The following PTPRR variants were observed in gnomAD, a reference collection of about 807,000 sequenced individuals.
PTPRR encodes the protein protein tyrosine phosphatase receptor type R, also known as receptor-type tyrosine-protein phosphatase R.
A neutral mutation model predicts 77.2 loss-of-function variants in PTPRR; 38 were observed. The ratio of observed to expected loss-of-function variants is 0.49; its 90% CI spans 0.38 to 0.65. The LOEUF (loss-of-function observed/expected upper bound fraction) is 0.65, where lower values mean the gene tolerates loss of function less well. Ranked by LOEUF, PTPRR falls within the 30% of genes least tolerant of loss-of-function variation. PTPRR has a pLI of 0.00. For missense variants in PTPRR, 744 were observed against 799.2 expected (o/e 0.93, Z 0.83); for synonymous variants, 299 against 283.1 (o/e 1.06, Z -0.57).
At chr12:70,764,044 T>C (rs1890755673) in intron 3 of PTPRR, among the ~76,000 whole-genome samples, 2 of 150,086 alleles carry the variant, frequency 1.3e-5, no homozygotes, top group Admixed American at 6.7e-5. Flanking sequence ...CCCACTCAGA[T>C]GCCCATTCAA....
chr12:70,708,813 CAA>C (rs879632787), intron 6 of PTPRR, among the ~76,000 whole-genome samples: 2,633 of 78,958 alleles, frequency 0.033, 49 homozygotes, highest in African/African-American at 0.087. Context: ...AATACAAATA[CAA>C]ACACACACAC....
chr12:70,718,360 G>A (rs1486064272), intron 6 of PTPRR, among the ~76,000 whole-genome samples: 1 of 152,076 alleles, frequency 6.6e-6, no homozygotes, highest in South Asian at 2.1e-4. Flanking sequence ...CTGCCTCCTG[G>A]GTTCAAGCGA....
chr12:70,748,299 T>A (rs1310150831), intron 5 of PTPRR, among the ~76,000 whole-genome samples: 1 of 152,318 alleles, frequency 6.6e-6, no homozygotes, highest in East Asian at 1.9e-4. Context: ...TATTGTTTCC[T>A]CCAAAGTCTC....
chr12:70,818,580 T>C (rs1891948481), intron 2 of PTPRR, among the ~76,000 whole-genome samples: 2 of 152,176 alleles, frequency 1.3e-5, no homozygotes, highest in Admixed American at 1.3e-4. Flanking sequence ...GAGGCTAATA[T>C]GATTGAAAAT....
chr12:70,754,609 G>C, intron 4 of PTPRR: 1 of 1,597,936 alleles, frequency 6.3e-7, no homozygotes. Context: ...AGAGAGTTCT[G>C]TTCTTTTCTG....
intron 2 of PTPRR, among the ~76,000 whole-genome samples, chr12:70,796,670 A>C (rs954279583): frequency 9.9e-5 from 15 of 152,012 alleles, no homozygotes; most frequent in Non-Finnish European, 2.1e-4. Flanking sequence ...ATGAAAAGGA[A>C]ATTAATGAAA....
In PTPRR at chr12:70,681,189, T is replaced by C. The variant is rs184621317; in HGVS notation, c.1497+2938A>G. Among the ~76,000 whole-genome samples, 603 of 152,244 alleles carry C rather than the reference T, an allele frequency of 4.0e-3. 3 individuals are homozygous for C. The highest frequency in any genetic ancestry group is 6.0e-3 in the Non-Finnish European group (409 of 67,998). On this transcript the variant is annotated intron_variant, in intron 10 of 13. Transcript: ENST00000283228. ...GGTGTACTACTGTGTGTGAAGGTAG[T>C]GTAATGGCAGTGTAGCCTTAGGAAT...
intron 2 of PTPRR, among the ~76,000 whole-genome samples, chr12:70,767,758 C>G (rs1481814478): frequency 6.6e-6 from 1 of 152,098 alleles, no homozygotes; most frequent in Non-Finnish European, 1.5e-5. Flanking sequence ...TGACCACATA[C>G]TTGGAAGTAA....
chr12:70,661,327 C>A, intron 11 of PTPRR: 1 of 569,708 alleles, frequency 1.8e-6, no homozygotes, highest in South Asian at 1.8e-5. Context: ...ATTTACATCT[C>A]TACCTATAGT....
At chr12:70,848,983 A>AT (rs932486870) in intron 2 of PTPRR, among the ~76,000 whole-genome samples, 30 of 152,114 alleles carry the variant, frequency 2.0e-4, no homozygotes, top group African/African-American at 6.3e-4. Context: ...AAGTTAAATA[A>AT]TTTTTTTATC....
rs761634431 is a variant in PTPRR at position 70,698,318 on chromosome 12, T to C, written c.1226A>G (p.Glu409Gly). The change falls in exon 8 of 14, where the codon GAA becomes GGA. Residue 409 changes from glutamate to glycine, a missense_variant. Coordinates refer to ENST00000283228, the MANE Select transcript of PTPRR (RefSeq NM_002849.4). ...AGTTCCATGACGCGGAATATCAATT[T>C]CTTTGGGATCCACAAAGTTCATTGG... ...EIPMNFVDPK[E>G]IDIPRHGTKN... is the part of the protein sequence containing the mutation. 6.8e-6 allele frequency: 11 copies of C among 1,613,100 alleles called. No individual in the cohort carries two copies. Among genetic ancestry groups the C allele is most frequent in the Non-Finnish European group, 9.3e-6 (11 of 1,179,396 alleles).
intron 2 of PTPRR, among the ~76,000 whole-genome samples, chr12:70,777,530 AATTAT>A (rs1243798812): frequency 9.2e-5 from 14 of 152,276 alleles, no homozygotes; most frequent in African/African-American, 2.6e-4. Flanking sequence ...CAGTTTTTGT[AATTAT>A]ATTATTATTT....
chr12:70,892,927 T>A lies in PTPRR; in HGVS notation c.109A>T (p.Ser37Cys). The change falls in exon 2 of 14, where the codon AGT becomes TGT. Residue 37 changes from serine (S) to cysteine (C), a missense_variant. Ser to Cys is a moderately radical substitution (Grantham distance 112, BLOSUM62 -1). This residue lies in a region of PTPRR where 570 missense variants were observed against 573.2 expected (regional missense o/e 0.99). Coordinates refer to ENST00000283228, the MANE Select transcript of PTPRR (RefSeq NM_002849.4). ...DHFLAINQKK[S>C]GKPVFIYKHS... is the part of the protein sequence containing the mutation. The stretch of plus-strand genomic sequence containing the variant: ...TTATAAATGAATACCGGCTTCCCAC[T>A]CTTCTTCTGATTAATTGCCAAAAAA... 6.2e-7 allele frequency: 1 copy of A among 1,613,394 alleles called. No individual in the cohort carries two copies. The highest frequency in any genetic ancestry group is 8.5e-7 in the Non-Finnish European group (1 of 1,179,540).
intron 6 of PTPRR, among the ~76,000 whole-genome samples, chr12:70,704,454 GA>G (rs200692771): frequency 8.7e-5 from 13 of 149,484 alleles, no homozygotes; most frequent in African/African-American, 1.5e-4. Flanking sequence ...CATAAATAAC[GA>G]AAAAAAAAGC....
intron 2 of PTPRR, among the ~76,000 whole-genome samples, chr12:70,801,888 A>G (rs1192602014): frequency 6.6e-6 from 1 of 152,188 alleles, no homozygotes. Flanking sequence ...CTAAGATATT[A>G]TGATTGAACT....
chr12:70,866,303 A>C lies in PTPRR; in HGVS notation c.357+26376T>G, dbSNP rs181034925. Among the ~76,000 whole-genome samples, 668 of 152,314 alleles carry C rather than the reference A, an allele frequency of 4.4e-3. 4 individuals carry two copies. The highest frequency in any genetic ancestry group is 0.015 in the African/African-American group (634 of 41,560). On this transcript the variant is annotated intron_variant, in intron 2 of 13. Transcript: ENST00000283228. Reference sequence around the variant, plus strand: ...AGACCGCTAGCAAGACTAATAAAGAAAAGAGAGAAGAATCAAATAGATGCA... The same window carrying C: ...AGACCGCTAGCAAGACTAATAAAGACAAGAGAGAAGAATCAAATAGATGCA...
intron 13 of PTPRR, among the ~76,000 whole-genome samples, chr12:70,641,630 C>T (rs774883017): frequency 6.6e-6 from 1 of 152,146 alleles, no homozygotes; most frequent in Non-Finnish European, 1.5e-5. Context: ...AGTTCTCTTA[C>T]CTCCCACTTA....
intron 2 of PTPRR, among the ~76,000 whole-genome samples, chr12:70,783,365 T>C (rs772591239): frequency 4.6e-5 from 7 of 151,932 alleles, no homozygotes; most frequent in African/African-American, 9.7e-5. Context: ...CTGGAGAAGA[T>C]TGTTCCTCTC....
At chr12:70,860,871 C>A (rs527491357) in intron 2 of PTPRR, among the ~76,000 whole-genome samples, 19 of 152,206 alleles carry the variant, frequency 1.2e-4, no homozygotes, top group African/African-American at 4.3e-4. Flanking sequence ...TCTTCCTTGA[C>A]CAGTTTATAT....
Sources: allele counts gnomAD v4.1 joint callset (sites outside exome capture counted in the v4.1 genomes callset), GRCh38; gene constraint gnomAD v4.1.1; regional missense constraint gnomAD v4.1.1; transcripts MANE v1.5; gene names NCBI Gene and HGNC (gene_info 2026-07-23, HGNC 2026-07-21).